Variants in CTNND2 observed in about 807,000 individuals in gnomAD.
CTNND2 encodes catenin delta-2.
In CTNND2, 22 loss-of-function variants were observed where a neutral mutation model predicts 144.4. The observed-to-expected ratio is 0.15, with a 90% CI of 0.11 to 0.22. The LOEUF (loss-of-function observed/expected upper bound fraction) is 0.22. Ranked by LOEUF, CTNND2 falls within the 10% of genes least tolerant of loss-of-function variation. The pLI is 1.00. For missense variants in CTNND2, 1,353 were observed against 1,618.8 expected, an observed-to-expected ratio of 0.84 and a Z score of 2.82; for synonymous variants, 751 against 695.6, an observed-to-expected ratio of 1.08 and a Z score of -1.25.
At chr5:11,818,664 G>A (rs207465577) in intron 1 of CTNND2, among the ~76,000 whole-genome samples, 2 of 152,046 alleles carry the variant, frequency 1.3e-5, no homozygotes, top group Non-Finnish European at 2.9e-5. Flanking sequence ...CACCGCCCAC[G>A]GCCCTGTATG....
At chr5:11,058,816 C>T (rs1346974325) in intron 16 of CTNND2, among the ~76,000 whole-genome samples, 2 of 152,220 alleles carry the variant, frequency 1.3e-5, no homozygotes, top group Non-Finnish European at 2.9e-5. Context: ...ACTATGGAAA[C>T]CTACCTCTCA....
intron 2 of CTNND2, among the ~76,000 whole-genome samples, chr5:11,689,908 G>C (rs919755918): frequency 2.0e-5 from 3 of 152,152 alleles, no homozygotes; most frequent in African/African-American, 7.2e-5. Context: ...ACCACCCATA[G>C]CCTTGAGTCT....
At chr5:11,547,558 A>C (rs1775357351) in intron 3 of CTNND2, among the ~76,000 whole-genome samples, 2 of 152,174 alleles carry the variant, frequency 1.3e-5, no homozygotes, top group African/African-American at 4.8e-5. Flanking sequence ...CAGAATTAAA[A>C]TAACTAAAAT....
At chr5:11,558,397 A>C in intron 3 of CTNND2, among the ~76,000 whole-genome samples, 1 of 143,938 alleles carries the variant, frequency 6.9e-6, no homozygotes. Flanking sequence ...ACAAGGTCTC[A>C]CTCTGTTGCC....
intron 10 of CTNND2, among the ~76,000 whole-genome samples, chr5:11,201,364 A>C (rs928183764): frequency 3.3e-5 from 5 of 152,166 alleles, no homozygotes; most frequent in Admixed American, 3.3e-4. Context: ...AAAATGAAGA[A>C]ATATCCCTCT....
At chr5:11,783,224 GT>G (rs1345031560) in intron 1 of CTNND2, among the ~76,000 whole-genome samples, 4 of 152,080 alleles carry the variant, frequency 2.6e-5, no homozygotes, top group African/African-American at 9.7e-5. Context: ...TTCCTAGTTG[GT>G]TTTTCTCCAT....
intron 12 of CTNND2, among the ~76,000 whole-genome samples, chr5:11,157,109 T>C (rs943999029): frequency 1.5e-4 from 23 of 152,280 alleles, no homozygotes; most frequent in Middle Eastern, 3.4e-3. Context: ...CATGAGCTCA[T>C]TGGGCTACGA....
At chr5:11,474,941 T>C (rs26143) in intron 3 of CTNND2, among the ~76,000 whole-genome samples, 91,546 of 152,044 alleles carry the variant, frequency 0.6, 29,003 homozygotes, top group African/African-American at 0.79. Flanking sequence ...TTCTGTGACA[T>C]GTCATGGCCA....
intron 3 of CTNND2, among the ~76,000 whole-genome samples, chr5:11,470,569 A>G (rs544089930): frequency 3.2e-4 from 49 of 152,324 alleles, no homozygotes; most frequent in African/African-American, 1.2e-3. Context: ...ATCACTGACT[A>G]AAGTCCTTGG....
At chr5:11,714,827 T>A (rs1234577465) in intron 2 of CTNND2, among the ~76,000 whole-genome samples, 1 of 150,892 alleles carries the variant, frequency 6.6e-6, no homozygotes, top group African/African-American at 2.4e-5. Flanking sequence ...GAGAATGGCA[T>A]GAACCCGGGA....
Position 11,361,562 on chromosome 5 carries a change from C to T in CTNND2, c.1372+3134G>A, listed in dbSNP as rs189918082. Among the ~76,000 whole-genome samples, 394 of 152,322 alleles carry T rather than the reference C, an allele frequency of 2.6e-3. 1 individual carries two copies. Among genetic ancestry groups the T allele is most frequent in the Non-Finnish European group, 3.9e-3 (262 of 68,034 alleles). The stretch of plus-strand genomic sequence containing the variant: ...GATCCAAAAAGCAAGCACCGAGCAT[C>T]ATAACAGCATCTCCTTCCAAGGATT... On this transcript the variant is annotated intron_variant, in intron 8 of 21. Coordinates refer to ENST00000304623, the MANE Select transcript of CTNND2 (RefSeq NM_001332.4).
intron 12 of CTNND2, among the ~76,000 whole-genome samples, chr5:11,144,247 T>C (rs10063382): frequency 0.075 from 11,477 of 152,260 alleles, 1,411 homozygotes; most frequent in African/African-American, 0.26. Flanking sequence ...TTGTCTGTTT[T>C]CATTGTCTTA....
intron 1 of CTNND2, among the ~76,000 whole-genome samples, chr5:11,830,889 A>T (rs1435410955): frequency 1.3e-5 from 2 of 152,264 alleles, no homozygotes; most frequent in Non-Finnish European, 2.9e-5. Context: ...ATCTATTTTT[A>T]AAATATATAC....
At chr5:11,727,229 A>G (rs773527282) in intron 2 of CTNND2, among the ~76,000 whole-genome samples, 1 of 152,162 alleles carries the variant, frequency 6.6e-6, no homozygotes, top group African/African-American at 2.4e-5. Context: ...TCCTTCATAC[A>G]TGAACTTCAT....
intron 9 of CTNND2, among the ~76,000 whole-genome samples, 162 bp downstream of exon 9, chr5:11,346,210 C>T (rs538871468): frequency 6.6e-6 from 1 of 152,276 alleles, no homozygotes; most frequent in Admixed American, 6.5e-5. Context: ...ACTAGGGATC[C>T]ATTGCAAGCA....
chr5:11,691,232 G>A (rs956576859), intron 2 of CTNND2, among the ~76,000 whole-genome samples: 20 of 152,082 alleles, frequency 1.3e-4, no homozygotes, highest in African/African-American at 4.1e-4. Flanking sequence ...TTAACCAGGC[G>A]TGGTGGTGGG....
At chr5:11,685,639 C>A (rs2126637233) in intron 2 of CTNND2, among the ~76,000 whole-genome samples, 1 of 152,304 alleles carries the variant, frequency 6.6e-6, no homozygotes, top group East Asian at 1.9e-4. Flanking sequence ...TGCATATATC[C>A]ACTGAAAATT....
intron 9 of CTNND2, among the ~76,000 whole-genome samples, chr5:11,345,812 A>G (rs1754717535): frequency 6.6e-6 from 1 of 152,114 alleles, no homozygotes; most frequent in Non-Finnish European, 1.5e-5. Flanking sequence ...CAACCACAAA[A>G]AAAAACCTCC....
intron 11 of CTNND2, among the ~76,000 whole-genome samples, chr5:11,190,327 G>A (rs901482199): frequency 1.3e-5 from 2 of 152,210 alleles, no homozygotes; most frequent in African/African-American, 4.8e-5. Context: ...GCCCAGCTCT[G>A]AGCTTCTTCC....
Sources: allele counts gnomAD v4.1 joint callset (sites outside exome capture counted in the v4.1 genomes callset), GRCh38; gene constraint gnomAD v4.1.1; transcripts MANE v1.5; gene names NCBI Gene and HGNC (gene_info 2026-07-23, HGNC 2026-07-21).